The following SLIT1 variants were observed in gnomAD, a reference collection of about 807,000 sequenced individuals.
The protein encoded by SLIT1 is slit guidance ligand 1.
A neutral mutation model predicts 186.1 loss-of-function variants in SLIT1; 66 were observed. The observed-to-expected ratio is 0.35, with a 90% CI of 0.29 to 0.44. SLIT1 has a LOEUF of 0.44. Among genes scored for constraint, SLIT1 ranks in the 20% least tolerant of loss-of-function variants. The pLI is 1.00. For missense variants in SLIT1, 1,638 were observed against 2,037.4 expected, an observed-to-expected ratio of 0.80 and a Z score of 3.77; for synonymous variants, 761 against 833.8, an observed-to-expected ratio of 0.91 and a Z score of 1.50.
At chr10:97,135,400 G>A (rs1039121241) in intron 4 of SLIT1, among the ~76,000 whole-genome samples, 2 of 152,190 alleles carry the variant, frequency 1.3e-5, no homozygotes, top group African/African-American at 4.8e-5. Context: ...TAGAATGGAG[G>A]CCCCTTCAAG....
rs183948633 is a variant in SLIT1, at chr10:97,010,631, G to A, written c.3341+362C>T. 1.3e-5 allele frequency among the ~76,000 whole-genome samples: 2 copies of A among 152,310 alleles called. No homozygotes were observed. The highest frequency in any genetic ancestry group is 2.9e-5 in the Non-Finnish European group (2 of 68,014). On this transcript the variant is annotated intron_variant, in intron 31 of 36. Transcript: ENST00000266058. The surrounding 1 kb of genome is among the most constrained non-coding windows in gnomAD (Gnocchi z 4.8). ...GAGCATGGGACGTGGGTGGCCAGAG[G>A]GAGGGTGGGCCCTCCAACCTCCCAG...
intron 4 of SLIT1, among the ~76,000 whole-genome samples, chr10:97,130,728 T>G (rs1003744590): frequency 2.6e-5 from 4 of 152,182 alleles, no homozygotes; most frequent in Non-Finnish European, 5.9e-5. Context: ...TAGCTGCACT[T>G]ATACTTCGTA....
Position 97,021,223 on chromosome 10 carries a change from A to G in SLIT1, c.2746+27T>C. 1.2e-6 allele frequency: 2 copies of G among 1,605,658 alleles called. No homozygotes were observed. Among genetic ancestry groups the G allele is most frequent in the Non-Finnish European group, 1.7e-6 (2 of 1,175,198 alleles). On this transcript the variant is annotated intron_variant, in intron 26 of 36. Coordinates refer to ENST00000266058, the MANE Select transcript of SLIT1 (RefSeq NM_003061.3). The surrounding 1 kb of genome is among the most constrained non-coding windows in gnomAD (Gnocchi z 4.5). ...TGGGCAAGTTCTGTGAGCCCCCAGC[A>G]GCAGGAGGCTGTGCTCCTAGGCTCA...
chr10:97,143,710 G>A (rs1189641479), intron 4 of SLIT1, among the ~76,000 whole-genome samples: 19 of 152,202 alleles, frequency 1.2e-4, no homozygotes, highest in Non-Finnish European at 2.9e-5. Flanking sequence ...GAGCAGAACC[G>A]AGTTGCAGAT....
rs1223912939 is a variant in SLIT1 at position 97,010,854 on chromosome 10, G to A, written c.3341+139C>T. 7.8e-6 allele frequency: 6 copies of A among 773,008 alleles called. No individual in the cohort carries two copies. Among genetic ancestry groups the A allele is most frequent in the Non-Finnish European group, 1.2e-5 (6 of 484,710 alleles). The allele number at this position is 773,008 out of a possible 1,614,324, so 47.9% of individuals were successfully genotyped here. The stretch of plus-strand genomic sequence containing the variant: ...AAGGCTGCACAGCTGGTGACTGGCA[G>A]AGCCACGGTTAAAACCCCAGCATCC... On this transcript the variant is annotated intron_variant, in intron 31 of 36. Transcript: ENST00000266058. The surrounding 1 kb of genome is among the most constrained non-coding windows in gnomAD (Gnocchi z 4.8).
At chr10:97,176,294 C>A (rs184083270) in intron 1 of SLIT1, among the ~76,000 whole-genome samples, 3 of 152,178 alleles carry the variant, frequency 2.0e-5, no homozygotes, top group East Asian at 1.9e-4. Flanking sequence ...TTGAGGCTGG[C>A]GAGAGGGAGG....
At chr10:97,091,766 T>C (rs1849234499) in intron 4 of SLIT1, among the ~76,000 whole-genome samples, 1 of 152,182 alleles carries the variant, frequency 6.6e-6, no homozygotes, top group Non-Finnish European at 1.5e-5. Context: ...TGCACAGAGC[T>C]CGTAGGAGCA....
intron 4 of SLIT1, among the ~76,000 whole-genome samples, chr10:97,082,788 G>A (rs1849118507): frequency 6.6e-6 from 1 of 152,170 alleles, no homozygotes; most frequent in African/African-American, 2.4e-5. Flanking sequence ...ACTCTGGTGT[G>A]GGACGTTAAT....
chr10:97,142,785 C>A (rs1289885161), intron 4 of SLIT1, among the ~76,000 whole-genome samples: 1 of 152,064 alleles, frequency 6.6e-6, no homozygotes. Context: ...AAAAATCAAA[C>A]AACCCAATTA....
chr10:97,046,832 C>G, intron 17 of SLIT1, 35 bp from the exon 18 acceptor site: 3 of 1,605,018 alleles, frequency 1.9e-6, no homozygotes, highest in Non-Finnish European at 1.7e-6. Context: ...TTACATATGG[C>G]CAGCAGCCAG....
chr10:97,004,033 C>T lies in SLIT1; in HGVS notation c.3865+35G>A. ...CTCTCCTGGCTGGCCTCAGGCCAGA[C>T]AGCAAAAGAGGCCCCGCCAGGGCCA... On this transcript the variant is annotated intron_variant, in intron 34 of 36. Coordinates refer to ENST00000266058, the MANE Select transcript of SLIT1 (RefSeq NM_003061.3). This position sits in a 1 kb window ranked among gnomAD's most constrained non-coding sequence, Gnocchi z 5.1. 6.3e-7 allele frequency: 1 copy of T among 1,577,780 alleles called. No homozygotes were observed. The highest frequency in any genetic ancestry group is 8.7e-7 in the Non-Finnish European group (1 of 1,153,860).
intron 25 of SLIT1, among the ~76,000 whole-genome samples, chr10:97,023,976 A>C (rs1848523468): frequency 6.6e-6 from 1 of 151,916 alleles, no homozygotes. Flanking sequence ...AGAGGAAGGA[A>C]GGAAAGGAGG....
At chr10:97,054,406 A>G (rs1050543641) in intron 13 of SLIT1, among the ~76,000 whole-genome samples, 1 of 152,070 alleles carries the variant, frequency 6.6e-6, no homozygotes, top group Non-Finnish European at 1.5e-5. Context: ...CTGTCAGCCA[A>G]GTAAACCTCT....
chr10:97,020,762 C>T (rs972097302), intron 26 of SLIT1, among the ~76,000 whole-genome samples: 1 of 152,276 alleles, frequency 6.6e-6, no homozygotes, highest in African/African-American at 2.4e-5. Context: ...TCACTCAATC[C>T]CTGAATGAGT....
chr10:97,185,582 G>A lies in SLIT1; in HGVS notation c.93C>T (p.Ala31=), dbSNP rs1850401910. The A allele has an allele frequency of 7.5e-6, 12 of 1,603,654 alleles. No homozygotes were observed. The highest frequency in any genetic ancestry group is 1.0e-5 in the Non-Finnish European group (12 of 1,176,248). Residue 31 remains alanine (A), a synonymous_variant, in exon 1 of 37, where the codon GCC becomes GCT. Transcript: ENST00000266058. ...LLWAAAWRLG[A]SACPALCTCT... ...AGGTGCAGAGGGCGGGGCACGCCGA[G>A]GCACCCAGGCGCCACGCGGCTGCCC...
intron 1 of SLIT1, among the ~76,000 whole-genome samples, chr10:97,170,695 G>C (rs905076954): frequency 6.6e-6 from 1 of 152,228 alleles, no homozygotes; most frequent in African/African-American, 2.4e-5. Flanking sequence ...ATTCCTGTGT[G>C]GTCCTAGCCT....
chr10:97,037,713 T>A lies in SLIT1; in HGVS notation c.2351A>T (p.Lys784Met). 6.2e-7 allele frequency: 1 copy of A among 1,609,550 alleles called. No homozygotes were observed. Residue 784 changes from lysine to methionine, a missense_variant, in exon 22 of 37, where the codon AAG becomes ATG. Lys to Met is a moderately conservative substitution (Grantham distance 95). Transcript: ENST00000266058. ...TLVPGQLSTF[K>M]YLQLVDLSNN... ...GGATACTTACACGAGCTGCAGGTAC[T>A]TGAAGGTAGACAGCTGTCCCGGAAC...
chr10:97,028,123 A>G (rs1848562075), intron 25 of SLIT1, among the ~76,000 whole-genome samples: 2 of 152,158 alleles, frequency 1.3e-5, no homozygotes, highest in Admixed American at 1.3e-4. Flanking sequence ...GTTCCTAAAG[A>G]CATGTCAGCA....
intron 21 of SLIT1, 63 bp from the exon 22 acceptor site, chr10:97,037,829 G>A (rs1848654727): frequency 7.1e-7 from 1 of 1,401,194 alleles, no homozygotes; most frequent in Non-Finnish European, 1.0e-6. Context: ...CCATGCTGGG[G>A]ACAGCCTTCC....
Sources: allele counts gnomAD v4.1 joint callset (sites outside exome capture counted in the v4.1 genomes callset), GRCh38; gene constraint gnomAD v4.1.1; non-coding constraint Gnocchi (gnomAD v3.1); transcripts MANE v1.5; gene names NCBI Gene and HGNC (gene_info 2026-07-23, HGNC 2026-07-21).